The following CNTN6 variants were observed in gnomAD, a reference collection of about 807,000 sequenced individuals.
The protein encoded by CNTN6 is contactin 6.
CNTN6 carries 137 observed loss-of-function variants against 122.8 expected under a neutral mutation model. That is an observed-to-expected ratio of 1.12 (90% CI 0.97 to 1.29). The LOEUF is 1.29. Ranked by LOEUF, CNTN6 falls within the 50% of genes most tolerant of loss-of-function variation. The pLI is 0.00. For synonymous variants in CNTN6, 570 were observed against 426.0 expected, an observed-to-expected ratio of 1.34 and a Z score of -4.16; for missense variants, 1,634 against 1,223.4, an observed-to-expected ratio of 1.34 and a Z score of -5.01.
chr3:1,196,396 T>C (rs985121230), intron 2 of CNTN6, among the ~76,000 whole-genome samples: 6 of 152,312 alleles, frequency 3.9e-5, no homozygotes, highest in African/African-American at 1.4e-4. Flanking sequence ...ACTGCTCTGA[T>C]AAAAAGTGGA....
intron 2 of CNTN6, among the ~76,000 whole-genome samples, chr3:1,193,212 G>A (rs1045268046): frequency 5.3e-5 from 8 of 152,092 alleles, no homozygotes; most frequent in African/African-American, 1.9e-4. Flanking sequence ...TAACTTTTAC[G>A]TATTTAAATT....
chr3:1,119,286 T>TC (rs2091856090), intron 1 of CNTN6, among the ~76,000 whole-genome samples: 1 of 132,892 alleles, frequency 7.5e-6, no homozygotes, highest in Admixed American at 8.0e-5. Context: ...AGAATATTAA[T>TC]GTCTAGGAAC....
chr3:1,373,087 T>TA (rs1291821064), intron 14 of CNTN6, 132 bp downstream of exon 14: 2 of 595,324 alleles, frequency 3.4e-6, no homozygotes, highest in Non-Finnish European at 5.9e-6. Context: ...TTTTATTTTT[T>TA]AAACCCCAGG....
intron 1 of CNTN6, among the ~76,000 whole-genome samples, chr3:1,093,426 G>A (rs1165493548): frequency 1.3e-5 from 2 of 152,148 alleles, no homozygotes; most frequent in East Asian, 3.8e-4. Context: ...TAAAACTAAT[G>A]GGCAAGACGG....
At chr3:1,269,040 G>C (rs2094977632) in intron 4 of CNTN6, among the ~76,000 whole-genome samples, 1 of 152,106 alleles carries the variant, frequency 6.6e-6, no homozygotes, top group Non-Finnish European at 1.5e-5. Flanking sequence ...TTTTGTTGAT[G>C]TGCCCTCGTA....
chr3:1,253,346 A>T (rs1310189903), intron 4 of CNTN6, among the ~76,000 whole-genome samples: 2 of 152,186 alleles, frequency 1.3e-5, no homozygotes, highest in Non-Finnish European at 2.9e-5. Flanking sequence ...CTCAATAGAT[A>T]GTGAAACAGT....
intron 7 of CNTN6, among the ~76,000 whole-genome samples, chr3:1,307,289 T>A (rs1322493196): frequency 6.6e-6 from 1 of 152,182 alleles, no homozygotes; most frequent in Non-Finnish European, 1.5e-5. Context: ...AGGGTCACTG[T>A]CATTTCTTTA....
In CNTN6 at chr3:1,253,859, T is replaced by C. The variant is rs184032608; in HGVS notation, c.359-24554T>C. 7.9e-3 allele frequency among the ~76,000 whole-genome samples: 1,200 copies of C among 152,260 alleles called. 16 individuals are homozygous for C. Among genetic ancestry groups the C allele is most frequent in the African/African-American group, 0.027 (1,135 of 41,552 alleles). On this transcript the variant is annotated intron_variant, in intron 4 of 22. Coordinates refer to ENST00000446702, the MANE Select transcript of CNTN6 (RefSeq NM_001289080.2). ...CTGCAGCCCAGTGGTTGGGGACTGC[T>C]GATCTAAGGAATAATCTCAGTCTTT...
chr3:1,289,934 A>G (rs928014149), intron 5 of CNTN6, among the ~76,000 whole-genome samples: 3 of 152,136 alleles, frequency 2.0e-5, no homozygotes, highest in Non-Finnish European at 2.9e-5. Flanking sequence ...TCGGCCTCCC[A>G]AAGTGCTGGG....
chr3:1,286,632 C>T (rs1019680432), intron 5 of CNTN6, among the ~76,000 whole-genome samples: 1 of 152,152 alleles, frequency 6.6e-6, no homozygotes, highest in African/African-American at 2.4e-5. Flanking sequence ...AATATCCAGT[C>T]TATCATTGAT....
intron 2 of CNTN6, among the ~76,000 whole-genome samples, chr3:1,185,867 C>CTA (rs2093622005): frequency 6.6e-6 from 1 of 152,106 alleles, no homozygotes; most frequent in African/African-American, 2.4e-5. Flanking sequence ...ACATTAAACA[C>CTA]TATGTAATTT....
At chr3:1,332,523 G>GGGCGAGC (rs71887070) in intron 11 of CNTN6, among the ~76,000 whole-genome samples, 51,525 of 150,082 alleles carry the variant, frequency 0.34, 9,572 homozygotes, top group East Asian at 0.62. Context: ...AGGAAGGAAG[G>GGGCGAGC]AAGGAAGGAG....
At chr3:1,303,741 C>T (rs9861887) in intron 7 of CNTN6, among the ~76,000 whole-genome samples, 101,682 of 151,904 alleles carry the variant, frequency 0.67, 36,319 homozygotes, top group East Asian at 1. Context: ...ATAGTAGACA[C>T]CATAAATGTC....
chr3:1,136,117 T>A (rs2092466275), intron 1 of CNTN6, among the ~76,000 whole-genome samples: 1 of 152,190 alleles, frequency 6.6e-6, no homozygotes, highest in African/African-American at 2.4e-5. Context: ...AGTTAATCCC[T>A]TATGGATATC....
intron 5 of CNTN6, among the ~76,000 whole-genome samples, chr3:1,282,960 A>C (rs888703119): frequency 1.3e-5 from 2 of 152,162 alleles, no homozygotes. Context: ...TTCATGCAAC[A>C]GAAAGAGACA....
At position 1,264,078 on chromosome 3, in the gene CNTN6, G is replaced by T. The variant is rs9873954; in HGVS notation, c.359-14335G>T. On this transcript the variant is annotated intron_variant, in intron 4 of 22. Transcript: ENST00000446702. ...CTGTATTTGGAATGTTCTGAACACA[G>T]GTGAAAGGATGGGGTAAACAGGGCC... is the stretch of plus-strand genomic sequence containing the variant. Among the ~76,000 whole-genome samples, 248 of 152,212 alleles carry T rather than the reference G, an allele frequency of 1.6e-3. 3 individuals carry two copies. Among genetic ancestry groups the T allele is most frequent in the African/African-American group, 5.8e-3 (239 of 41,550 alleles).
chr3:1,384,668 A>C lies in CNTN6; in HGVS notation c.2518-943A>C, dbSNP rs1168450239. ...ATCCTAAACATTCTTAATTTTGCCT[A>C]TATATATATATATATATATACACAC... On this transcript the variant is annotated intron_variant, in intron 19 of 22. Transcript: ENST00000446702. Among the ~76,000 whole-genome samples the C allele has an allele frequency of 3.1e-5, 3 of 98,070 alleles. No homozygotes were observed. The East Asian group carries it at 6.8e-4, about 22-fold the overall frequency. 64.3% of individuals were successfully genotyped at this position (98,070 alleles called of 152,430 possible).
chr3:1,262,794 T>C (rs2094867965), intron 4 of CNTN6, among the ~76,000 whole-genome samples: 1 of 152,108 alleles, frequency 6.6e-6, no homozygotes, highest in Non-Finnish European at 1.5e-5. Flanking sequence ...ATGTGTAAAA[T>C]ATATGTAATA....
intron 2 of CNTN6, among the ~76,000 whole-genome samples, chr3:1,164,924 G>A (rs2093212869): frequency 6.6e-6 from 1 of 151,974 alleles, no homozygotes; most frequent in South Asian, 2.1e-4. Flanking sequence ...ATTTTTTTGT[G>A]GCTTAACCTT....
Sources: allele counts gnomAD v4.1 joint callset (sites outside exome capture counted in the v4.1 genomes callset), GRCh38; gene constraint gnomAD v4.1.1; transcripts MANE v1.5; gene names NCBI Gene and HGNC (gene_info 2026-07-23, HGNC 2026-07-21).